The following RALGDS variants were observed in gnomAD, a reference collection of about 807,000 sequenced individuals.
The protein encoded by RALGDS is ral guanine nucleotide exchange factor.
Under a neutral mutation model 99.8 loss-of-function variants are expected in RALGDS, and 44 were observed. The ratio of observed to expected loss-of-function variants is 0.44; its 90% CI spans 0.35 to 0.57. RALGDS has a LOEUF of 0.57. Ranked by LOEUF, RALGDS falls within the 20% of genes least tolerant of loss-of-function variation. RALGDS has a pLI of 0.01. For synonymous variants in RALGDS, 529 were observed against 505.0 expected (o/e 1.05, Z -0.64); for missense variants, 1,022 against 1,203.1 (o/e 0.85, Z 2.23).
At chr9:133,130,005 C>T (rs533749560) in intron 1 of RALGDS, among the ~76,000 whole-genome samples, 3 of 141,352 alleles carry the variant, frequency 2.1e-5, no homozygotes, top group Non-Finnish European at 4.4e-5. Flanking sequence ...CATCGTCTCA[C>T]TCTGTCACCC....
At chr9:133,100,581 T>G in intron 16 of RALGDS, 199 bp from the exon 17 acceptor site, 2 of 1,446,906 alleles carry the variant, frequency 1.4e-6, no homozygotes, top group South Asian at 1.4e-5. Flanking sequence ...CTGTTCCCCA[T>G]GTGAGGCCTC....
chr9:133,146,113 C>T (rs1204704827), intron 1 of RALGDS, among the ~76,000 whole-genome samples: 1 of 152,184 alleles, frequency 6.6e-6, no homozygotes, highest in Non-Finnish European at 1.5e-5. Context: ...AATCAGATAT[C>T]GGCCCCCTGT....
At chr9:133,103,200 C>A (rs1312533424) in intron 12 of RALGDS, 30 bp downstream of exon 12, 4 of 1,613,694 alleles carry the variant, frequency 2.5e-6, no homozygotes, top group East Asian at 2.2e-5. Context: ...TCCACCCCTC[C>A]CCAAGTCAGG....
At chr9:133,143,773 A>ATAATAATAATAAAATAAAGGAATGGCTTC (rs1832568910) in intron 1 of RALGDS, among the ~76,000 whole-genome samples, 1 of 98,720 alleles carries the variant, frequency 1.0e-5, no homozygotes, top group Non-Finnish European at 1.8e-5. Context: ...AATAATAATA[A>ATAATAATAATAAAATAAAGGAATGGCTTC]CAACAACAAC....
intron 17 of RALGDS, 73 bp from the exon 18 acceptor site, chr9:133,098,835 G>C: frequency 2.0e-6 from 3 of 1,474,892 alleles, no homozygotes; most frequent in Middle Eastern, 3.7e-4. Flanking sequence ...CCGCTTGAGA[G>C]CCCATACAAG....
intron 1 of RALGDS, among the ~76,000 whole-genome samples, chr9:133,130,701 G>T (rs1448893231): frequency 6.6e-6 from 1 of 152,130 alleles, no homozygotes; most frequent in Non-Finnish European, 1.5e-5. Flanking sequence ...TTCTCATTTT[G>T]CTGCAAACCA....
intron 6 of RALGDS, 139 bp downstream of exon 6, chr9:133,107,849 G>A (rs1010455350): frequency 1.8e-5 from 20 of 1,118,386 alleles, no homozygotes; most frequent in African/African-American, 1.2e-4. Context: ...GTTAAGGAAC[G>A]ACCTGGTTAC....
In RALGDS at chr9:133,129,303, C is replaced by G. The variant is rs769937874; in HGVS notation, c.132+1649G>C. 4 of 1,589,208 alleles carry G rather than the reference C, an allele frequency of 2.5e-6. No homozygotes were observed. The South Asian group carries it at 3.4e-5, about 13-fold the overall frequency. On this transcript the variant is annotated intron_variant, in intron 1 of 17. Coordinates refer to the RALGDS transcript ENST00000372062. ...ACGGCAGGCCTGGCACAAACCTGGC[C>G]TGCTTCCCGGGCCATGGTGGGGCGA...
At chr9:133,129,140 TCGGTGGTGGC>T in intron 1 of RALGDS, 1 of 1,448,434 alleles carries the variant, frequency 6.9e-7, no homozygotes, top group Non-Finnish European at 9.2e-7. Context: ...GAAACTCACC[TCGGTGGTGGC>T]CGGTGCTGGC....
chr9:133,111,943 G>A, intron 2 of RALGDS, 99 bp downstream of exon 2: 1 of 903,606 alleles, frequency 1.1e-6, no homozygotes, highest in South Asian at 1.4e-5. Context: ...GGGAGTGAAG[G>A]CCGTTTCCTT....
At chr9:133,118,299 C>G (rs1270956383) in intron 1 of RALGDS, among the ~76,000 whole-genome samples, 1 of 152,198 alleles carries the variant, frequency 6.6e-6, no homozygotes, top group African/African-American at 2.4e-5. Flanking sequence ...AAACCGAAGA[C>G]CTGCACACAG....
intron 1 of RALGDS, among the ~76,000 whole-genome samples, chr9:133,129,801 T>G (rs964901995): frequency 4.1e-5 from 6 of 145,592 alleles, no homozygotes; most frequent in Admixed American, 1.5e-4. Flanking sequence ...GCACGAGATT[T>G]CCTTTCTTCT....
chr9:133,129,378 G>T, intron 1 of RALGDS: 1 of 1,482,786 alleles, frequency 6.7e-7, no homozygotes, highest in Non-Finnish European at 8.9e-7. Context: ...CAGTGTGCTC[G>T]TCGCCTGCGT....
At chr9:133,139,395 G>A (rs1009076502) in intron 1 of RALGDS, among the ~76,000 whole-genome samples, 5 of 152,206 alleles carry the variant, frequency 3.3e-5, no homozygotes, top group Admixed American at 2.0e-4. Flanking sequence ...CGGCTATTTC[G>A]AGGGGGCAGG....
chr9:133,141,191 ACCC>A (rs1832515207), intron 1 of RALGDS, among the ~76,000 whole-genome samples: 1 of 152,098 alleles, frequency 6.6e-6, no homozygotes, highest in African/African-American at 2.4e-5. Flanking sequence ...CAACAGTCCT[ACCC>A]TCACTGCCAT....
At position 133,142,423 on chromosome 9, in the gene RALGDS, G is replaced by A. The variant is rs957090985; in HGVS notation, c.18+6540C>T. Among the ~76,000 whole-genome samples, 8 of 152,134 alleles carry A rather than the reference G, an allele frequency of 5.3e-5. No individual in the cohort carries two copies. The South Asian group carries it at 1.7e-3, about 32-fold the overall frequency. ...AAAGCCCATCGGAAAGCCCCAGCCC[G>A]GAGCCTTCCTGCAGGCAAGTATTTT... On this transcript the variant is annotated intron_variant, in intron 1 of 17. Coordinates refer to the RALGDS transcript ENST00000393160.
intron 1 of RALGDS, among the ~76,000 whole-genome samples, chr9:133,116,041 G>A (rs1831590480): frequency 6.6e-6 from 1 of 152,258 alleles, no homozygotes; most frequent in African/African-American, 2.4e-5. Context: ...GGTGGGGCGT[G>A]TGCTGGCTGA....
At position 133,142,027 on chromosome 9, in the gene RALGDS, G is replaced by T. The variant is rs764488823; in HGVS notation, c.18+6936C>A. Reference sequence around the variant, plus strand: ...ACACTCTGGCTGGCACCGAGCCATCGCTGTGCTTTCTGACCTTGCGTTTTC... The same window carrying T: ...ACACTCTGGCTGGCACCGAGCCATCTCTGTGCTTTCTGACCTTGCGTTTTC... On this transcript the variant is annotated intron_variant, in intron 1 of 17. Transcript: ENST00000393160. Among the ~76,000 whole-genome samples the T allele has an allele frequency of 2.2e-4, 34 of 152,352 alleles. 1 individual carries two copies. The South Asian group carries it at 2.9e-3, about 13-fold the overall frequency.
Position 133,103,378 on chromosome 9 carries a change from G to A in RALGDS, c.1759-116C>T, listed in dbSNP as rs754262382. ...CAGGGGGCAGGGCACGCACACCCCT[G>A]GATTGAAGCCGGTGCTGGGCACCAG... On this transcript the variant is annotated intron_variant, in intron 11 of 17. Coordinates refer to ENST00000372050, the MANE Select transcript of RALGDS (RefSeq NM_006266.4). 8.6e-4 allele frequency: 1,137 copies of A among 1,322,736 alleles called. 1 individual carries two copies. Among genetic ancestry groups the A allele is most frequent in the Non-Finnish European group, 9.9e-4 (913 of 922,808 alleles). 81.9% of individuals were successfully genotyped at this position (1,322,736 alleles called of 1,614,324 possible). A position where few individuals can be genotyped will look rare whatever the true frequency, so the allele number is the denominator to read the frequency against.
Sources: gnomAD v4.1 joint callset for allele counts (sites outside exome capture counted in the v4.1 genomes callset) on GRCh38, gnomAD v4.1.1 for gene constraint, MANE v1.5 for transcripts, NCBI Gene and HGNC (gene_info 2026-07-23, HGNC 2026-07-21) for gene names.